The following VMA22 variants were observed in gnomAD, a reference collection of about 807,000 sequenced individuals.
VMA22 encodes vacuolar ATPase assembly factor VMA22.
At chr2:130,340,408 C>T in the VMA22 span, 1 of 204,786 alleles carries the variant, frequency 4.9e-6, no homozygotes, top group Non-Finnish European at 1.0e-5. Context: ...CTTACATCAC[C>T]TGACTCCACT....
the VMA22 span, chr2:130,341,891 C>T: frequency 1.1e-5 from 18 of 1,583,298 alleles, no homozygotes; most frequent in East Asian, 3.7e-4. Context: ...ACTGCAGGGG[C>T]CCTACCGACT....
At chr2:130,341,699 T>C in the VMA22 span, 2 of 1,611,722 alleles carry the variant, frequency 1.2e-6, no homozygotes, top group Non-Finnish European at 1.7e-6. Context: ...CTCTGGGGCG[T>C]GGACACCAGC....
At chr2:130,339,512 C>A in the VMA22 span, 1 of 1,315,860 alleles carries the variant, frequency 7.6e-7, no homozygotes. Flanking sequence ...CATTTCATGC[C>A]CTCATTTCCT....
At chr2:130,338,141 T>C in the VMA22 span, 1 of 152,174 alleles carries the variant, frequency 6.6e-6, no homozygotes, top group African/African-American at 2.4e-5. Context: ...TGCTGGAGAA[T>C]TCCCTGATTG....
chr2:130,339,471 C>T, the VMA22 span: 16 of 1,388,258 alleles, frequency 1.2e-5, no homozygotes, highest in South Asian at 8.9e-5. Context: ...ATATCACCCA[C>T]CAGGAACTAA....
At chr2:130,337,973 G>GA in the VMA22 span, among the ~76,000 whole-genome samples, 1 of 152,176 alleles carries the variant, frequency 6.6e-6, no homozygotes. Context: ...TAATGTCCAC[G>GA]AAACAGAATG....
the VMA22 span, chr2:130,339,341 A>G: frequency 6.9e-5 from 92 of 1,333,190 alleles, 2 homozygotes; most frequent in South Asian, 6.2e-4. Flanking sequence ...TCTGCCCCCC[A>G]CACTTGTCCC....
At chr2:130,342,247 G>T in the VMA22 span, 2 of 1,542,732 alleles carry the variant, frequency 1.3e-6, no homozygotes, top group African/African-American at 2.8e-5. Flanking sequence ...TCCCCACGCC[G>T]GCAGCACCAA....
chr2:130,339,515 C>CA, the VMA22 span: 10 of 1,312,214 alleles, frequency 7.6e-6, no homozygotes, highest in Non-Finnish European at 3.0e-6. Flanking sequence ...TTCATGCCCT[C>CA]ATTTCCTTCC....
chr2:130,338,183 A>C, the VMA22 span: 1 of 152,226 alleles, frequency 6.6e-6, no homozygotes, highest in Non-Finnish European at 1.5e-5. Context: ...ATTCAGAATC[A>C]TGTGACAGCT....
the VMA22 span, chr2:130,339,233 C>T: frequency 1.2e-6 from 2 of 1,613,418 alleles, no homozygotes; most frequent in Admixed American, 1.7e-5. Flanking sequence ...AGCTGCAGGC[C>T]TGGAGGAAAG....
chr2:130,341,578 T>C, the VMA22 span: 6 of 1,160,700 alleles, frequency 5.2e-6, no homozygotes, highest in South Asian at 5.6e-5. Flanking sequence ...CTCTCTCTTA[T>C]CGCAAAAACC....
At chr2:130,342,165 AC>A in the VMA22 span, 1 of 1,602,724 alleles carries the variant, frequency 6.2e-7, no homozygotes, top group Non-Finnish European at 8.5e-7. Flanking sequence ...CTTCCTTGTC[AC>A]CCTCCGCAGT....
chr2:130,341,640 G>A, the VMA22 span: 2 of 1,585,376 alleles, frequency 1.3e-6, no homozygotes, highest in East Asian at 2.2e-5. Context: ...CTGGGAAGGG[G>A]TTCTGCAGAA....
At chr2:130,340,847 A>T in the VMA22 span, 6 of 1,603,270 alleles carry the variant, frequency 3.7e-6, no homozygotes, top group Non-Finnish European at 5.1e-6. Flanking sequence ...AGCAGTGCTC[A>T]AGTGTTCCCT....
the VMA22 span, among the ~76,000 whole-genome samples, chr2:130,338,085 A>G: frequency 6.6e-6 from 1 of 152,260 alleles, no homozygotes; most frequent in Non-Finnish European, 1.5e-5. Flanking sequence ...AAAGCTGGAC[A>G]TGACTCACTG....
chr2:130,339,054 G>A, the VMA22 span: 46 of 1,208,434 alleles, frequency 3.8e-5, no homozygotes, highest in East Asian at 1.1e-3. Flanking sequence ...GAAGGAAGAA[G>A]GCCTGAGATC....
the VMA22 span, chr2:130,339,160 A>T: frequency 1.2e-6 from 2 of 1,614,024 alleles, no homozygotes; most frequent in African/African-American, 2.7e-5. Flanking sequence ...TTTCTCTTGG[A>T]GTCCCCGGAG....
At chr2:130,341,857 C>T in the VMA22 span, 3 of 1,468,928 alleles carry the variant, frequency 2.0e-6, no homozygotes, top group Middle Eastern at 2.0e-4. Context: ...TGGAGGCAGA[C>T]CTGGGGCTCC....
Sources: allele counts gnomAD v4.1 joint callset (sites outside exome capture counted in the v4.1 genomes callset), GRCh38; gene constraint gnomAD v4.1.1; transcripts MANE v1.5; gene names NCBI Gene and HGNC (gene_info 2026-07-23, HGNC 2026-07-21).